ZBTB2: variants seen among roughly 807,000 people sequenced by gnomAD.
ZBTB2 encodes the protein zinc finger and BTB domain containing 2.
A neutral mutation model predicts 39.5 loss-of-function variants in ZBTB2; 2 were observed. The observed-to-expected ratio is 0.05, with a 90% CI of 0.02 to 0.16. The LOEUF (loss-of-function observed/expected upper bound fraction) is 0.16, where lower values mean the gene tolerates loss of function less well. Among genes scored for constraint, ZBTB2 ranks in the 10% least tolerant of loss-of-function variants. The pLI is 1.00. For missense variants in ZBTB2, 391 were observed against 653.0 expected, an observed-to-expected ratio of 0.60 and a Z score of 4.37; for synonymous variants, 251 against 256.6, an observed-to-expected ratio of 0.98 and a Z score of 0.21.
intron 2 of ZBTB2, among the ~76,000 whole-genome samples, chr6:151,372,918 G>T (rs1196315077): frequency 1.3e-5 from 2 of 152,046 alleles, no homozygotes; most frequent in Non-Finnish European, 2.9e-5. Context: ...ACTTTGGGAG[G>T]CCGAGGCGGG....
intron 1 of ZBTB2, among the ~76,000 whole-genome samples, chr6:151,375,900 G>A (rs1164155502): frequency 6.6e-6 from 1 of 152,156 alleles, no homozygotes; most frequent in African/African-American, 2.4e-5. Flanking sequence ...ACCATAAAGT[G>A]GGAGAAACCA....
At position 151,384,929 on chromosome 6, in the gene ZBTB2, C is replaced by T. The variant is rs116987905; in HGVS notation, c.-13+6491G>A. 1.6e-3 allele frequency among the ~76,000 whole-genome samples: 242 copies of T among 152,280 alleles called. 1 individual carries two copies. Among genetic ancestry groups the T allele is most frequent in the Non-Finnish European group, 2.8e-3 (191 of 68,028 alleles). On this transcript the variant is annotated intron_variant, in intron 1 of 2. Coordinates refer to ENST00000325144, the MANE Select transcript of ZBTB2 (RefSeq NM_020861.3). ...GTCTCCACTCTACTACCTTGCCCTA[C>T]AGAGCATTCCTAAAAGTTCTTACTG...
intron 1 of ZBTB2, among the ~76,000 whole-genome samples, chr6:151,391,213 A>G (rs1235542735): frequency 6.6e-6 from 1 of 150,936 alleles, no homozygotes; most frequent in African/African-American, 2.4e-5. Flanking sequence ...CGCTTCCCAG[A>G]ACCGGGTCCC....
chr6:151,378,732 G>A (rs1482239939), intron 1 of ZBTB2, among the ~76,000 whole-genome samples: 1 of 152,186 alleles, frequency 6.6e-6, no homozygotes, highest in Admixed American at 6.5e-5. Context: ...TAGGCAGCTT[G>A]AGGTCCCACA....
intron 2 of ZBTB2, among the ~76,000 whole-genome samples, chr6:151,372,324 G>A (rs1472435545): frequency 1.3e-5 from 2 of 152,100 alleles, no homozygotes. Context: ...AATGAAGGAG[G>A]GGAGGAAACC....
At chr6:151,371,293 TC>T (rs1425536100) in intron 2 of ZBTB2, among the ~76,000 whole-genome samples, 1 of 152,148 alleles carries the variant, frequency 6.6e-6, no homozygotes, top group Non-Finnish European at 1.5e-5. Flanking sequence ...GTCCCTGCCC[TC>T]AAGAAACTTA....
Position 151,387,997 on chromosome 6 carries a change from A to C in ZBTB2, c.-13+3423T>G, listed in dbSNP as rs191601610. 6.5e-3 allele frequency among the ~76,000 whole-genome samples: 983 copies of C among 152,318 alleles called. 2 individuals carry two copies. Among genetic ancestry groups the C allele is most frequent in the Non-Finnish European group, 8.8e-3 (598 of 68,028 alleles). On this transcript the variant is annotated intron_variant, in intron 1 of 2. Transcript: ENST00000325144. ...TTTAATAGTTTAATTTGCTAGCACA[A>C]ATTATAACCTACTTGAGCATAAAGA...
chr6:151,381,376 C>G (rs1779031907), intron 1 of ZBTB2, among the ~76,000 whole-genome samples: 1 of 151,980 alleles, frequency 6.6e-6, no homozygotes, highest in Non-Finnish European at 1.5e-5. Context: ...CAAAAATTAG[C>G]CTGGCATGGT....
intron 2 of ZBTB2, among the ~76,000 whole-genome samples, chr6:151,372,934 C>T (rs531480496): frequency 1.3e-5 from 2 of 151,982 alleles, no homozygotes; most frequent in East Asian, 1.9e-4. Flanking sequence ...GCGGGCAGAT[C>T]ACGAGGTCAG....
intron 1 of ZBTB2, among the ~76,000 whole-genome samples, chr6:151,390,731 C>T (rs2114889957): frequency 6.6e-6 from 1 of 151,952 alleles, no homozygotes; most frequent in African/African-American, 2.4e-5. Flanking sequence ...AGAGGCCGGG[C>T]CTGCTCCGGT....
intron 1 of ZBTB2, among the ~76,000 whole-genome samples, chr6:151,388,670 A>G (rs183309738): frequency 6.6e-6 from 1 of 152,310 alleles, no homozygotes; most frequent in African/African-American, 2.4e-5. Context: ...CCTGGCCATG[A>G]ACACATTTTT....
intron 1 of ZBTB2, among the ~76,000 whole-genome samples, chr6:151,383,829 A>C (rs1168741639): frequency 6.6e-6 from 1 of 152,146 alleles, no homozygotes; most frequent in Non-Finnish European, 1.5e-5. Flanking sequence ...GCCCTGGTGC[A>C]TGTGTGAACG....
chr6:151,388,737 A>G lies in ZBTB2; in HGVS notation c.-13+2683T>C, dbSNP rs1011681294. On this transcript the variant is annotated intron_variant, in intron 1 of 2. Transcript: ENST00000325144. ...GATTTTGGAGGTTACTGAAAAGTTGATATTAAAGTTTAAGATATAAAAGCA... is the reference window on the plus strand; with the variant it reads ...GATTTTGGAGGTTACTGAAAAGTTGGTATTAAAGTTTAAGATATAAAAGCA... Among the ~76,000 whole-genome samples the G allele has an allele frequency of 5.9e-5, 9 of 152,344 alleles. 1 individual carries two copies. Among genetic ancestry groups the G allele is most frequent in the East Asian group, 3.9e-4 (2 of 5,188 alleles).
At position 151,364,485 on chromosome 6, in the gene ZBTB2, C is replaced by T. The variant is rs1778601117; in HGVS notation, c.*1036G>A. 1 of 152,392 alleles carries T rather than the reference C, an allele frequency of 6.6e-6. No individual in the cohort carries two copies. Among genetic ancestry groups the T allele is most frequent in the Non-Finnish European group, 1.5e-5 (1 of 68,020 alleles). 9.4% of individuals were successfully genotyped at this position (152,392 alleles called of 1,614,324 possible). ...GATTTTTTGTCCTGATTTCTCTTTG[C>T]CATTTATTTTTGATGCTTCAATTAA... On this transcript the variant is annotated 3_prime_UTR_variant, in exon 3 of 3. Transcript: ENST00000325144.
intron 2 of ZBTB2, among the ~76,000 whole-genome samples, chr6:151,372,521 A>G (rs531221723): frequency 7.9e-5 from 12 of 152,276 alleles, no homozygotes; most frequent in African/African-American, 2.6e-4. Flanking sequence ...GAAAACAGAT[A>G]AAAAGAACAG....
In ZBTB2 at chr6:151,365,016, GAAGT is replaced by G. The variant is rs1323946451; in HGVS notation, c.*501_*504del. On this transcript the variant is annotated 3_prime_UTR_variant, in exon 3 of 3. Transcript: ENST00000325144. This position sits in a 1 kb window ranked among gnomAD's most constrained non-coding sequence, Gnocchi z 5.6. ...GACATAATCTCAAAGGATGCATTCT[GAAGT>G]AAGACACCTGGAGGATGAATACTAA... is the stretch of plus-strand genomic sequence containing the variant. The G allele has an allele frequency of 6.5e-6, 1 of 153,652 alleles. No individual in the cohort carries two copies. Among genetic ancestry groups the G allele is most frequent in the Non-Finnish European group, 1.5e-5 (1 of 68,782 alleles). The allele number at this position is 153,652 out of a possible 1,614,324, so 9.5% of individuals were successfully genotyped here. A position where few individuals can be genotyped will look rare whatever the true frequency, so the allele number is the denominator to read the frequency against.
At chr6:151,369,833 C>T (rs149892922) in intron 2 of ZBTB2, among the ~76,000 whole-genome samples, 44 of 152,110 alleles carry the variant, frequency 2.9e-4, no homozygotes, top group African/African-American at 9.4e-4. Context: ...ATTAGCCGGG[C>T]GTGGTGGTGC....
At chr6:151,383,783 ACCCCTG>A (rs1295268494) in intron 1 of ZBTB2, among the ~76,000 whole-genome samples, 24 of 151,416 alleles carry the variant, frequency 1.6e-4, no homozygotes, top group East Asian at 5.9e-4. Context: ...ACACACACAT[ACCCCTG>A]CCCCTGCCCC....
rs535783478 is a variant in ZBTB2, at chr6:151,364,492, T to A, written c.*1029A>T. The A allele has an allele frequency of 6.6e-6, 1 of 152,528 alleles. No homozygotes were observed. Among genetic ancestry groups the A allele is most frequent in the South Asian group, 2.1e-4 (1 of 4,834 alleles). The allele number at this position is 152,528 out of a possible 1,614,324, so 9.4% of individuals were successfully genotyped here. On this transcript the variant is annotated 3_prime_UTR_variant, in exon 3 of 3. Coordinates refer to ENST00000325144, the MANE Select transcript of ZBTB2 (RefSeq NM_020861.3). ...TGTCCTGATTTCTCTTTGCCATTTATTTTTGATGCTTCAATTAATGTTGCC... is the reference window on the plus strand; with the variant it reads ...TGTCCTGATTTCTCTTTGCCATTTAATTTTGATGCTTCAATTAATGTTGCC...
Sources: gnomAD v4.1 joint callset for allele counts (sites outside exome capture counted in the v4.1 genomes callset) on GRCh38, gnomAD v4.1.1 for gene constraint, Gnocchi (gnomAD v3.1) non-coding constraint, MANE v1.5 for transcripts, NCBI Gene and HGNC (gene_info 2026-07-23, HGNC 2026-07-21) for gene names.